Variants in GOLGA6L2 observed in about 807,000 individuals in gnomAD.
GOLGA6L2 encodes the protein golgin A6 family like 2.
A neutral mutation model predicts 35.9 loss-of-function variants in GOLGA6L2; 30 were observed. That is an observed-to-expected ratio of 0.83 (90% CI 0.62 to 1.13). The LOEUF (loss-of-function observed/expected upper bound fraction) is 1.13. GOLGA6L2 is among the 50% of genes most tolerant of loss of function. GOLGA6L2 has a pLI of 0.00. For synonymous variants in GOLGA6L2, 297 were observed against 344.0 expected (o/e 0.86, Z 1.51); for missense variants, 821 against 973.4 (o/e 0.84, Z 2.08).
Position 23,439,515 on chromosome 15 carries a change from C to A in GOLGA6L2, c.*230G>T. ...CACAGTGACATGGCGGCTTATGCTT[C>A]TGTAGGCCTTGTTGACAGTGCCAAC... On this transcript the variant is annotated 3_prime_UTR_variant, in exon 8 of 8. Coordinates refer to ENST00000567107, the MANE Select transcript of GOLGA6L2 (RefSeq NM_001304388.2). 1 of 1,242,018 alleles carries A rather than the reference C, an allele frequency of 8.1e-7. No homozygotes were observed. Among genetic ancestry groups the A allele is most frequent in the Non-Finnish European group, 1.1e-6 (1 of 906,160 alleles). The allele number at this position is 1,242,018 out of a possible 1,614,324, so 76.9% of individuals were successfully genotyped here.
In GOLGA6L2 at chr15:23,441,512, C is replaced by A; in HGVS notation, c.963G>T (p.Lys321Asn). The A allele has an allele frequency of 7.1e-7, 1 of 1,401,968 alleles. No homozygotes were observed. 86.8% of individuals were successfully genotyped at this position (1,401,968 alleles called of 1,614,324 possible). Reference sequence around the variant, plus strand: ...GCTCCTTCTCCTGCTCTCGCAGCCTCTTCTCCTGTCTCCGCATCTTCTCCT... The same window carrying A: ...GCTCCTTCTCCTGCTCTCGCAGCCTATTCTCCTGTCTCCGCATCTTCTCCT... ...EQEEKMRRQE[K>N]RLREQEKELR... Residue 321 changes from lysine to asparagine, a missense_variant, in exon 8 of 8, where the codon AAG becomes AAT. Lys to Asn is a moderately conservative substitution (Grantham distance 94). Coordinates refer to ENST00000567107, the MANE Select transcript of GOLGA6L2 (RefSeq NM_001304388.2).
Position 23,441,173 on chromosome 15 carries a change from C to T in GOLGA6L2, c.1302G>A (p.Glu434=). Residue 434 remains glutamate (E), a synonymous_variant, in exon 8 of 8, where the codon GAG becomes GAA. Coordinates refer to ENST00000567107, the MANE Select transcript of GOLGA6L2 (RefSeq NM_001304388.2). The part of the protein sequence containing the change: ...EKMREEKKMQ[E]QEKKTRDQEE... ...CCTGGTCCCGCGTCTTCTTCTCCTG[C>T]TCCTGCATCTTCTTCTCCTCCCGCA... 6.5e-7 allele frequency: 1 copy of T among 1,538,804 alleles called. No homozygotes were observed. Among genetic ancestry groups the T allele is most frequent in the East Asian group, 2.5e-5 (1 of 40,790 alleles).
rs1318174146 is a variant in GOLGA6L2 at position 23,441,237 on chromosome 15, A to G, written c.1238T>C (p.Met413Thr). Residue 413 changes from methionine (M) to threonine (T), a missense_variant, in exon 8 of 8, where the codon ATG (methionine) becomes ACG (threonine). By Grantham distance (81) the Met-to-Thr change is moderately conservative. Around this residue, in one of 7 missense-constraint regions of GOLGA6L2, gnomAD observed 614 missense variants for 632.3 expected, o/e 0.97. Coordinates refer to ENST00000567107, the MANE Select transcript of GOLGA6L2 (RefSeq NM_001304388.2). ...CTCCCACATCTTCTCCTGCTCCCGC[A>G]TCCTCTCCTCCTTCTCCCGTAGCCT... ...DERLREKEER[M>T]REQEKMWEQV... is the part of the protein sequence containing the mutation. 5 of 1,519,694 alleles carry G rather than the reference A, an allele frequency of 3.3e-6. No individual in the cohort carries two copies. The highest frequency in any genetic ancestry group is 4.4e-6 in the Non-Finnish European group (5 of 1,140,444). 94.1% of individuals were successfully genotyped at this position (1,519,694 alleles called of 1,614,324 possible).
intron 1 of GOLGA6L2, 35 bp downstream of exon 1, chr15:23,447,063 T>C (rs1230996444): frequency 9.2e-7 from 1 of 1,081,766 alleles, no homozygotes. Context: ...TGGGGCTGGG[T>C]TGGGGTTGGG....
rs1473530031 is a variant in GOLGA6L2, at chr15:23,441,449, CT to C, written c.1025del (p.Lys342SerfsTer636). The C allele has an allele frequency of 2.8e-6, 4 of 1,405,884 alleles. No homozygotes were observed. Among genetic ancestry groups the C allele is most frequent in the Non-Finnish European group, 2.9e-6 (3 of 1,049,730 alleles). 87.1% of individuals were successfully genotyped at this position (1,405,884 alleles called of 1,614,324 possible). On this transcript the variant is annotated frameshift_variant, in exon 8 of 8. Transcript: ENST00000567107. LOFTEE classifies it low-confidence loss of function (END_TRUNC). ...EQEKELREQK[K>X]LREQEEQMQE... is the part of the protein sequence containing the mutation. ...GCATCTGCTCCTCCTGCTCCCGCAG[CT>C]TCTTCTGCTCCCGCAGCTCCTTCTC...
At position 23,441,634 on chromosome 15, in the gene GOLGA6L2, G is replaced by A. The variant is rs1457819176; in HGVS notation, c.841C>T (p.Leu281=). ...QEEMWRQEEE[L]REQEKKIRKQ... is the part of the protein sequence containing the mutation. ...CGTATCTTCTTTTCCTGCTCCCGTA[G>A]CTCCTCCTCCTGCCTCCACATCTCC... is the stretch of plus-strand genomic sequence containing the variant. Residue 281 remains leucine, a synonymous_variant, in exon 8 of 8, where the codon CTA becomes TTA. Transcript: ENST00000567107. The A allele has an allele frequency of 4.5e-6, 7 of 1,543,252 alleles. No homozygotes were observed. Among genetic ancestry groups the A allele is most frequent in the Middle Eastern group, 1.7e-4 (1 of 5,960 alleles).
At position 23,441,472 on chromosome 15, in the gene GOLGA6L2, T is replaced by G; in HGVS notation, c.1003A>C (p.Lys335Gln). 1 of 1,406,316 alleles carries G rather than the reference T, an allele frequency of 7.1e-7. No homozygotes were observed. Among genetic ancestry groups the G allele is most frequent in the African/African-American group, 1.5e-5 (1 of 67,868 alleles). The allele number at this position is 1,406,316 out of a possible 1,614,324, so 87.1% of individuals were successfully genotyped here. A position where few individuals can be genotyped will look rare whatever the true frequency, so the allele number is the denominator to read the frequency against. Residue 335 changes from lysine to glutamine, a missense_variant, in exon 8 of 8, where the codon AAG becomes CAG. Coordinates refer to ENST00000567107, the MANE Select transcript of GOLGA6L2 (RefSeq NM_001304388.2). Reference protein sequence around the residue: ...EQEKELREQEKELREQKKLRE... With the variant: ...EQEKELREQEQELREQKKLRE... Reference sequence around the variant, plus strand: ...AGCTTCTTCTGCTCCCGCAGCTCCTTCTCCTGCTCCCGCAGCTCCTTCTCC... The same window carrying G: ...AGCTTCTTCTGCTCCCGCAGCTCCTGCTCCTGCTCCCGCAGCTCCTTCTCC...
In GOLGA6L2 at chr15:23,439,406, CT is replaced by C. The variant is rs1023724954; in HGVS notation, c.*338del. The C allele has an allele frequency of 3.3e-5, 15 of 452,278 alleles. No homozygotes were observed. Among genetic ancestry groups the C allele is most frequent in the African/African-American group, 3.0e-4 (15 of 49,298 alleles). The allele number at this position is 452,278 out of a possible 1,614,324, so 28.0% of individuals were successfully genotyped here. ...CGGTTGTAGGTTTCGGCCACAAGGC[CT>C]GGCTAGTATTTTACCACAATTTAAA... On this transcript the variant is annotated 3_prime_UTR_variant, in exon 8 of 8. Transcript: ENST00000567107.
At position 23,441,568 on chromosome 15, in the gene GOLGA6L2, G is replaced by C; in HGVS notation, c.907C>G (p.Arg303Gly). The change falls in exon 8 of 8, where the codon CGG (arginine) becomes GGG (glycine). Residue 303 changes from arginine (R) to glycine (G), a missense_variant. Arg to Gly is a moderately radical substitution (Grantham distance 125). Coordinates refer to ENST00000567107, the MANE Select transcript of GOLGA6L2 (RefSeq NM_001304388.2). ...EKMWRQEERL[R>G]EQEGKMREQE... ...TCCCGCATCTTCCCCTCCTGCTCCC[G>C]CAGTCTCTCCTCCTGTCTCCACATC... 2 of 1,509,974 alleles carry C rather than the reference G, an allele frequency of 1.3e-6. No individual in the cohort carries two copies. The highest frequency in any genetic ancestry group is 1.8e-6 in the Non-Finnish European group (2 of 1,122,218). 93.5% of individuals were successfully genotyped at this position (1,509,974 alleles called of 1,614,324 possible).
chr15:23,439,481 C>CT lies in GOLGA6L2; in HGVS notation c.*263dup, dbSNP rs2070622462. 6.6e-6 allele frequency: 4 copies of CT among 601,612 alleles called. No individual in the cohort carries two copies. The highest frequency in any genetic ancestry group is 1.1e-5 in the Non-Finnish European group (4 of 366,796). 37.3% of individuals were successfully genotyped at this position (601,612 alleles called of 1,614,324 possible). On this transcript the variant is annotated 3_prime_UTR_variant, in exon 8 of 8. Coordinates refer to ENST00000567107, the MANE Select transcript of GOLGA6L2 (RefSeq NM_001304388.2). ...TTTTTTTTTCAAGTTTGTGCTCAGACTATATTCACACAGTGACATGGCGGC... is the reference window on the plus strand; with the variant it reads ...TTTTTTTTTCAAGTTTGTGCTCAGACTTATATTCACACAGTGACATGGCGGC...
chr15:23,446,936 T>G (rs1317744253), intron 1 of GOLGA6L2, among the ~76,000 whole-genome samples, 162 bp downstream of exon 1: 8 of 132,550 alleles, frequency 6.0e-5, no homozygotes, highest in African/African-American at 1.4e-4. Flanking sequence ...GCTGAGGGGG[T>G]GGGGCTGGCT....
chr15:23,443,924 C>G lies in GOLGA6L2; in HGVS notation c.444G>C (p.Arg148Ser), dbSNP rs564873981. 25 of 1,552,500 alleles carry G rather than the reference C, an allele frequency of 1.6e-5. No homozygotes were observed. The highest frequency in any genetic ancestry group is 1.7e-4 in the Middle Eastern group (1 of 6,010). The change falls in exon 5 of 8, where the codon AGG (arginine) becomes AGC (serine). Residue 148 changes from arginine (R) to serine (S), a missense_variant. Physicochemically the swap from Arg to Ser is moderately radical, Grantham distance 110. This residue lies in a region of GOLGA6L2 where 614 missense variants were observed against 632.3 expected (regional missense o/e 0.97). Transcript: ENST00000567107. ...SFNLALSQAF[R>S]GSPLGCVSTS... is the part of the protein sequence containing the mutation. ...TTGAGACACAGCCCAAAGGACTCCC[C>G]CTAAAGGCCTGTGAAAGTGCCAGGT...
chr15:23,440,060 T>G lies in GOLGA6L2; in HGVS notation c.2415A>C (p.Gly805=). 4 of 591,068 alleles carry G rather than the reference T, an allele frequency of 6.8e-6. No homozygotes were observed. Among genetic ancestry groups the G allele is most frequent in the South Asian group, 2.4e-5 (1 of 42,116 alleles). The allele number at this position is 591,068 out of a possible 1,614,324, so 36.6% of individuals were successfully genotyped here. ...CTGCTCCCGCATCTTCTCCTCCTGC[T>G]CCCGCATCTTCTCCTCCTGCTCCCA... ...EDVGAGGEDA[G]AGGEDAGAGG... The change falls in exon 8 of 8, where the codon GGA becomes GGC. Residue 805 remains glycine, a synonymous_variant. Coordinates refer to ENST00000567107, the MANE Select transcript of GOLGA6L2 (RefSeq NM_001304388.2).
At position 23,439,572 on chromosome 15, in the gene GOLGA6L2, T is replaced by C; in HGVS notation, c.*173A>G. On this transcript the variant is annotated 3_prime_UTR_variant, in exon 8 of 8. Transcript: ENST00000567107. ...ATATTGATGATCTTCATCTTTCTCT[T>C]GTCTCCTCGGTAGAAGAATGGGATG... is the stretch of plus-strand genomic sequence containing the variant. 1 of 1,535,486 alleles carries C rather than the reference T, an allele frequency of 6.5e-7. No homozygotes were observed. The highest frequency in any genetic ancestry group is 8.7e-7 in the Non-Finnish European group (1 of 1,146,562).
intron 3 of GOLGA6L2, 62 bp downstream of exon 3, chr15:23,444,409 C>T (rs1189372643): frequency 5.1e-6 from 8 of 1,555,976 alleles, no homozygotes; most frequent in Non-Finnish European, 7.0e-6. Flanking sequence ...ATGAGACGGG[C>T]CTCTACATCT....
chr15:23,443,735 G>T, intron 5 of GOLGA6L2, 42 bp downstream of exon 5: 1 of 1,462,114 alleles, frequency 6.8e-7, no homozygotes, highest in Non-Finnish European at 9.3e-7. Flanking sequence ...CTCCATCTGC[G>T]AAGCTGGGAT....
Position 23,440,774 on chromosome 15 carries a change from TC to T in GOLGA6L2, c.1700del (p.Gly567AspfsTer411), listed in dbSNP as rs1484849670. The T allele has an allele frequency of 1.3e-6, 2 of 1,527,218 alleles. No homozygotes were observed. The allele number at this position is 1,527,218 out of a possible 1,614,324, so 94.6% of individuals were successfully genotyped here. On this transcript the variant is annotated frameshift_variant, in exon 8 of 8. Transcript: ENST00000567107. LOFTEE classifies it low-confidence loss of function (END_TRUNC). ...CTGGTCCCACATCTTCTGCTCCTGA[TC>T]CCGCATCTTCTCCTCCTGCTCCCAC... ...ADVGAGGEDA[G>X]SGAEDVGPGG...
Position 23,439,539 on chromosome 15 carries a change from A to T in GOLGA6L2, c.*206T>A, listed in dbSNP as rs1470331860. 1.3e-6 allele frequency: 2 copies of T among 1,524,686 alleles called. No homozygotes were observed. Among genetic ancestry groups the T allele is most frequent in the Non-Finnish European group, 1.8e-6 (2 of 1,138,824 alleles). 94.4% of individuals were successfully genotyped at this position (1,524,686 alleles called of 1,614,324 possible). A position where few individuals can be genotyped will look rare whatever the true frequency, so the allele number is the denominator to read the frequency against. On this transcript the variant is annotated 3_prime_UTR_variant, in exon 8 of 8. Transcript: ENST00000567107. ...TCTGTAGGCCTTGTTGACAGTGCCA[A>T]CTTTTAGATATTGATGATCTTCATC...
rs2070619186 is a variant in GOLGA6L2, at chr15:23,439,253, C to G, written c.*492G>C. ...GCAGCCTCCTGAGTAGCTGTGATTA[C>G]AGGCGTGCACAACCACGCCCGGCTA... On this transcript the variant is annotated 3_prime_UTR_variant, in exon 8 of 8. Transcript: ENST00000567107. 7.0e-6 allele frequency among the ~76,000 whole-genome samples: 1 copy of G among 143,756 alleles called. No individual in the cohort carries two copies. The highest frequency in any genetic ancestry group is 2.5e-5 in the African/African-American group (1 of 39,304). 94.3% of individuals were successfully genotyped at this position (143,756 alleles called of 152,430 possible). A position where few individuals can be genotyped will look rare whatever the true frequency, so the allele number is the denominator to read the frequency against.
Sources: gnomAD v4.1 joint callset for allele counts (sites outside exome capture counted in the v4.1 genomes callset) on GRCh38, gnomAD v4.1.1 for gene constraint, gnomAD v4.1.1 regional missense constraint, MANE v1.5 for transcripts, NCBI Gene and HGNC (gene_info 2026-07-23, HGNC 2026-07-21) for gene names.